Variants in NRXN1 observed in about 807,000 individuals in gnomAD.
The protein encoded by NRXN1 is neurexin-1.
NRXN1 carries 39 observed loss-of-function variants against 150.9 expected under a neutral mutation model. The ratio of observed to expected loss-of-function variants is 0.26; its 90% CI spans 0.20 to 0.34. The LOEUF (loss-of-function observed/expected upper bound fraction) is 0.34. NRXN1 is among the 10% of genes least tolerant of loss of function. NRXN1 has a pLI of 1.00. For missense variants in NRXN1, 1,815 were observed against 1,949.9 expected, an observed-to-expected ratio of 0.93 and a Z score of 1.30; for synonymous variants, 924 against 757.0, an observed-to-expected ratio of 1.22 and a Z score of -3.62.
At chr2:50,799,900 A>G (rs1707354386) in intron 5 of NRXN1, among the ~76,000 whole-genome samples, 1 of 152,166 alleles carries the variant, frequency 6.6e-6, no homozygotes, top group Admixed American at 6.6e-5. Flanking sequence ...ACAAACACAC[A>G]TACACACACA....
intron 5 of NRXN1, among the ~76,000 whole-genome samples, chr2:50,667,845 T>G (rs532239924): frequency 3.2e-4 from 48 of 152,144 alleles, no homozygotes; most frequent in Admixed American, 3.3e-4. Context: ...AGCCATAGTC[T>G]GAAGTTGGTT....
intron 17 of NRXN1, among the ~76,000 whole-genome samples, chr2:50,359,766 G>T (rs558952774): frequency 5.3e-5 from 8 of 151,972 alleles, no homozygotes; most frequent in Non-Finnish European, 1.2e-4. Flanking sequence ...ACACCACAAA[G>T]ATACTCCTCA....
At position 49,952,490 on chromosome 2, in the gene NRXN1, T is replaced by C. The variant is rs1411884937; in HGVS notation, c.4129-8699A>G. On this transcript the variant is annotated intron_variant, in intron 21 of 22. Coordinates refer to ENST00000401669, the MANE Select transcript of NRXN1 (RefSeq NM_001330078.2). ...AAATATTGACATAATTACAGTTATT[T>C]TGAAATGGAGTTAACCCAGAGAGTT... Among the ~76,000 whole-genome samples the C allele has an allele frequency of 4.6e-5, 7 of 152,212 alleles. No individual in the cohort carries two copies. In the South Asian group the frequency reaches 1.0e-3, roughly 23 times the overall value.
At chr2:50,717,902 A>T (rs1411933347) in intron 5 of NRXN1, among the ~76,000 whole-genome samples, 1 of 152,176 alleles carries the variant, frequency 6.6e-6, no homozygotes, top group African/African-American at 2.4e-5. Context: ...TTTCACTCTC[A>T]TGATCGAATC....
At chr2:50,353,551 T>C (rs1021868017) in intron 17 of NRXN1, among the ~76,000 whole-genome samples, 7 of 152,148 alleles carry the variant, frequency 4.6e-5, no homozygotes, top group African/African-American at 9.7e-5. Flanking sequence ...AGTTTCCTCA[T>C]CTGGAAAATG....
At chr2:50,089,170 G>GT (rs1008778342) in intron 19 of NRXN1, among the ~76,000 whole-genome samples, 1 of 152,272 alleles carries the variant, frequency 6.6e-6, no homozygotes, top group African/African-American at 2.4e-5. Flanking sequence ...AAAGATACCA[G>GT]TTTGGAAATT....
chr2:51,008,895 T>C (rs1353857720), intron 2 of NRXN1, among the ~76,000 whole-genome samples: 13 of 151,960 alleles, frequency 8.6e-5, no homozygotes, highest in Admixed American at 8.5e-4. Flanking sequence ...TTTTTAGTTT[T>C]AGGCAATTTT....
In NRXN1 at chr2:50,320,462, A is replaced by G. The variant is rs372054699; in HGVS notation, c.3365-83492T>C. ...ATGTATACATTTAAAGAGAATTAAA[A>G]TGAAAATGTTTTCATTTCTATATGT... On this transcript the variant is annotated intron_variant, in intron 17 of 22. Transcript: ENST00000401669. Among the ~76,000 whole-genome samples, 12 of 151,700 alleles carry G rather than the reference A, an allele frequency of 7.9e-5. No homozygotes were observed. The East Asian group carries it at 1.2e-3, about 15-fold the overall frequency.
intron 5 of NRXN1, among the ~76,000 whole-genome samples, chr2:50,795,123 A>G (rs1390927282): frequency 6.6e-6 from 1 of 152,100 alleles, no homozygotes; most frequent in Non-Finnish European, 1.5e-5. Flanking sequence ...GCATCCTTAC[A>G]TCTGGGACCT....
At chr2:50,791,405 G>A (rs1417879027) in intron 5 of NRXN1, among the ~76,000 whole-genome samples, 1 of 151,582 alleles carries the variant, frequency 6.6e-6, no homozygotes, top group African/African-American at 2.4e-5. Flanking sequence ...CCATCCCAGG[G>A]AGAATAATGG....
At chr2:50,799,014 A>G (rs931222056) in intron 5 of NRXN1, among the ~76,000 whole-genome samples, 1 of 152,212 alleles carries the variant, frequency 6.6e-6, no homozygotes, top group African/African-American at 2.4e-5. Flanking sequence ...ATTGAAAGTA[A>G]TGACAAAAAA....
chr2:50,836,433 C>T (rs1009565304), intron 5 of NRXN1, among the ~76,000 whole-genome samples: 1 of 152,040 alleles, frequency 6.6e-6, no homozygotes, highest in Non-Finnish European at 1.5e-5. Flanking sequence ...TTTCTTCTAT[C>T]TATGGAAACT....
chr2:50,410,265 G>A (rs1167091303), intron 17 of NRXN1, among the ~76,000 whole-genome samples: 1 of 152,146 alleles, frequency 6.6e-6, no homozygotes, highest in African/African-American at 2.4e-5. Context: ...AGGTCTGGCT[G>A]GAATTTACTT....
intron 2 of NRXN1, among the ~76,000 whole-genome samples, chr2:50,945,290 A>G (rs1690162703): frequency 6.6e-6 from 1 of 152,144 alleles, no homozygotes; most frequent in Admixed American, 6.5e-5. Flanking sequence ...CCTGGGCAAT[A>G]TGGTAAAACC....
chr2:50,338,003 C>T (rs1268229822), intron 17 of NRXN1, among the ~76,000 whole-genome samples: 1 of 152,186 alleles, frequency 6.6e-6, no homozygotes, highest in Non-Finnish European at 1.5e-5. Flanking sequence ...TTAGTTATGG[C>T]ACAAAACGTT....
chr2:50,280,185 G>A (rs2071228147), intron 17 of NRXN1, among the ~76,000 whole-genome samples: 1 of 151,456 alleles, frequency 6.6e-6, no homozygotes, highest in Non-Finnish European at 1.5e-5. Flanking sequence ...ATCTGAGGCA[G>A]GAGAATGGCG....
intron 21 of NRXN1, among the ~76,000 whole-genome samples, chr2:49,948,612 A>T (rs1469364722): frequency 3.9e-5 from 6 of 152,026 alleles, no homozygotes; most frequent in Non-Finnish European, 7.4e-5. Flanking sequence ...GTGTAGGGGA[A>T]GAAAATCAAA....
intron 19 of NRXN1, among the ~76,000 whole-genome samples, chr2:50,069,730 A>G (rs942031254): frequency 4.0e-5 from 6 of 151,836 alleles, no homozygotes; most frequent in African/African-American, 1.2e-4. Context: ...CCCACCTCTT[A>G]TCACTGAGAC....
At chr2:50,261,602 G>A (rs1196301452) in intron 17 of NRXN1, among the ~76,000 whole-genome samples, 11 of 151,882 alleles carry the variant, frequency 7.2e-5, no homozygotes, top group Admixed American at 7.2e-4. Context: ...AGTGATATGT[G>A]TGTTAAATTT....
Sources: gnomAD v4.1 joint callset for allele counts (sites outside exome capture counted in the v4.1 genomes callset) on GRCh38, gnomAD v4.1.1 for gene constraint, MANE v1.5 for transcripts, NCBI Gene and HGNC (gene_info 2026-07-23, HGNC 2026-07-21) for gene names.